The following URB1 variants were observed in gnomAD, a reference collection of about 807,000 sequenced individuals.
URB1 encodes the protein nucleolar pre-ribosomal-associated protein 1.
URB1 carries 197 observed loss-of-function variants against 242.3 expected under a neutral mutation model. The ratio of observed to expected loss-of-function variants is 0.81; its 90% CI spans 0.72 to 0.91. The LOEUF (loss-of-function observed/expected upper bound fraction) is 0.91, where lower values mean the gene tolerates loss of function less well. Among genes scored for constraint, URB1 ranks in the 40% least tolerant of loss-of-function variants. The probability of loss-of-function intolerance (pLI) is 0.00; values close to 1 mark genes in which losing one functional copy is unlikely to be tolerated. For missense variants in URB1, 2,721 were observed against 2,860.5 expected (o/e 0.95, Z 1.11); for synonymous variants, 1,153 against 1,201.8 (o/e 0.96, Z 0.84).
At chr21:32,338,516 C>T (rs935326747) in intron 26 of URB1, among the ~76,000 whole-genome samples, 191 bp downstream of exon 26, 1 of 152,174 alleles carries the variant, frequency 6.6e-6, no homozygotes, top group African/African-American at 2.4e-5. Context: ...TTTGTATTTG[C>T]TGTTTGACCA....
At position 32,316,447 on chromosome 21, in the gene URB1, A is replaced by G. The variant is rs929524155; in HGVS notation, c.6634+19T>C. The G allele has an allele frequency of 6.8e-7, 1 of 1,473,864 alleles. No individual in the cohort carries two copies. Among genetic ancestry groups the G allele is most frequent in the African/African-American group, 1.4e-5 (1 of 70,592 alleles). The allele number at this position is 1,473,864 out of a possible 1,614,324, so 91.3% of individuals were successfully genotyped here. On this transcript the variant is annotated intron_variant, in intron 38 of 38. Coordinates refer to ENST00000382751, the MANE Select transcript of URB1 (RefSeq NM_014825.3). ...TCTGCATCTATTTCTTCAGCCTCCAACAAAAGAACCAGCCTTACCTTGTGT... is the reference window on the plus strand; with the variant it reads ...TCTGCATCTATTTCTTCAGCCTCCAGCAAAAGAACCAGCCTTACCTTGTGT...
chr21:32,364,764 G>GT (rs2033326773), intron 10 of URB1, among the ~76,000 whole-genome samples: 1 of 150,630 alleles, frequency 6.6e-6, no homozygotes, highest in African/African-American at 2.4e-5. Context: ...TGCTTTAAAA[G>GT]TTTTTTAGAC....
At chr21:32,381,102 T>C (rs2146051759) in intron 4 of URB1, among the ~76,000 whole-genome samples, 1 of 152,354 alleles carries the variant, frequency 6.6e-6, no homozygotes, top group South Asian at 2.1e-4. Context: ...GCTCTGCCAC[T>C]GTCGTGGCCC....
At chr21:32,359,211 A>G (rs1397589866) in intron 14 of URB1, among the ~76,000 whole-genome samples, 1 of 152,216 alleles carries the variant, frequency 6.6e-6, no homozygotes, top group East Asian at 1.9e-4. Context: ...TTTGCTTGAT[A>G]ATGTTCCCTC....
chr21:32,340,826 A>T (rs1024921368), intron 25 of URB1, among the ~76,000 whole-genome samples: 5 of 152,186 alleles, frequency 3.3e-5, no homozygotes, highest in African/African-American at 1.2e-4. Context: ...TGTAAAGGGG[A>T]GAATAGGGAG....
At chr21:32,326,276 T>C (rs2032828395) in intron 30 of URB1, among the ~76,000 whole-genome samples, 1 of 152,190 alleles carries the variant, frequency 6.6e-6, no homozygotes, top group Non-Finnish European at 1.5e-5. Context: ...GTTCTCGAGA[T>C]AGAGTGACCA....
intron 26 of URB1, 137 bp downstream of exon 26, chr21:32,338,570 A>T (rs1341720420): frequency 1.0e-6 from 1 of 1,003,064 alleles, no homozygotes; most frequent in Non-Finnish European, 1.5e-6. Flanking sequence ...TGACAGAAAT[A>T]AAACATTCTG....
In URB1 at chr21:32,369,051, G is replaced by C. The variant is rs530044418; in HGVS notation, c.1002-453C>G. 2.0e-5 allele frequency among the ~76,000 whole-genome samples: 3 copies of C among 150,606 alleles called. No homozygotes were observed. The East Asian group carries it at 5.8e-4, about 29-fold the overall frequency. On this transcript the variant is annotated intron_variant, in intron 8 of 38. Coordinates refer to ENST00000382751, the MANE Select transcript of URB1 (RefSeq NM_014825.3). ...CCTCCTCCAGCCACACACAAAAAAAGCACTATGTAGGGCTGGCTGTGGTAC... is the reference window on the plus strand; with the variant it reads ...CCTCCTCCAGCCACACACAAAAAAACCACTATGTAGGGCTGGCTGTGGTAC...
intron 28 of URB1, chr21:32,335,125 C>T (rs1429819233): frequency 6.6e-6 from 1 of 152,664 alleles, no homozygotes; most frequent in Non-Finnish European, 1.5e-5. Context: ...TACTTTCACC[C>T]TCCACTGGCA....
chr21:32,390,225 C>G (rs1036696984), intron 1 of URB1, among the ~76,000 whole-genome samples: 1 of 152,188 alleles, frequency 6.6e-6, no homozygotes, highest in Non-Finnish European at 1.5e-5. Flanking sequence ...TGATGTAGCA[C>G]CTGAATGTCA....
chr21:32,357,459 CTG>C, intron 15 of URB1, 76 bp downstream of exon 15: 1 of 1,284,922 alleles, frequency 7.8e-7, no homozygotes, highest in Non-Finnish European at 9.9e-7. Flanking sequence ...AATTCAATAA[CTG>C]TTAACTAAAC....
Position 32,337,570 on chromosome 21 carries a change from CAGAAG to C in URB1, c.4511-61_4511-57del, listed in dbSNP as rs1019316376. ...ATGGTGGGGCAGACACACTGAATACCAGAAGAGGAGAGAGCCTTCCAGGCAACATT... is the reference window on the plus strand; with the variant it reads ...ATGGTGGGGCAGACACACTGAATACCAGGAGAGAGCCTTCCAGGCAACATT... On this transcript the variant is annotated intron_variant, in intron 26 of 38. Transcript: ENST00000382751. 1.1e-5 allele frequency: 16 copies of C among 1,445,820 alleles called. No homozygotes were observed. The Admixed American group carries it at 2.2e-4, about 20-fold the overall frequency. 89.6% of individuals were successfully genotyped at this position (1,445,820 alleles called of 1,614,324 possible). A position where few individuals can be genotyped will look rare whatever the true frequency, so the allele number is the denominator to read the frequency against.
Position 32,311,524 on chromosome 21 carries a change from A to T in URB1, c.*3394T>A. ...CCTCTGAGATTTCTCTAGAATGGCC[A>T]CCTTTGTGAGCTGGCTGACCCTTCT... On this transcript the variant is annotated 3_prime_UTR_variant, in exon 39 of 39. Transcript: ENST00000382751. 1 of 997,454 alleles carries T rather than the reference A, an allele frequency of 1.0e-6. No individual in the cohort carries two copies. The highest frequency in any genetic ancestry group is 1.4e-6 in the Non-Finnish European group (1 of 701,026). The allele number at this position is 997,454 out of a possible 1,614,324, so 61.8% of individuals were successfully genotyped here.
chr21:32,324,761 T>A (rs921416207), intron 31 of URB1, among the ~76,000 whole-genome samples, 159 bp from the exon 32 acceptor site: 3 of 152,188 alleles, frequency 2.0e-5, no homozygotes, highest in African/African-American at 7.2e-5. Flanking sequence ...ACACACTACT[T>A]GCCAGCATCT....
At chr21:32,325,469 C>T in intron 30 of URB1, 80 bp from the exon 31 acceptor site, 1 of 1,470,512 alleles carries the variant, frequency 6.8e-7, no homozygotes, top group Non-Finnish European at 9.1e-7. Flanking sequence ...TAAATTTCCT[C>T]TTGTGTCTTA....
At position 32,347,902 on chromosome 21, in the gene URB1, C is replaced by T. The variant is rs924025322; in HGVS notation, c.3013-91G>A. 6 of 1,439,720 alleles carry T rather than the reference C, an allele frequency of 4.2e-6. No homozygotes were observed. In the African/African-American group the frequency reaches 4.3e-5, roughly 10 times the overall value. The allele number at this position is 1,439,720 out of a possible 1,614,324, so 89.2% of individuals were successfully genotyped here. A position where few individuals can be genotyped will look rare whatever the true frequency, so the allele number is the denominator to read the frequency against. On this transcript the variant is annotated intron_variant, in intron 21 of 38. Transcript: ENST00000382751. ...CCACGCAAGTATTCACTGTTGTTAG[C>T]GAGACAGAGAGCAGAAGGCCCCTTT... is the stretch of plus-strand genomic sequence containing the variant.
At position 32,322,467 on chromosome 21, in the gene URB1, T is replaced by C; in HGVS notation, c.5340+11A>G. On this transcript the variant is annotated intron_variant, in intron 33 of 38. Coordinates refer to ENST00000382751, the MANE Select transcript of URB1 (RefSeq NM_014825.3). ...GGCCTGCAGAAAGCCGTGAGGACTCTGGAAGCATACCTCAAAGTCGGAGCT... is the reference window on the plus strand; with the variant it reads ...GGCCTGCAGAAAGCCGTGAGGACTCCGGAAGCATACCTCAAAGTCGGAGCT... 6.4e-7 allele frequency: 1 copy of C among 1,551,136 alleles called. No individual in the cohort carries two copies. Among genetic ancestry groups the C allele is most frequent in the Non-Finnish European group, 8.7e-7 (1 of 1,146,070 alleles).
intron 2 of URB1, among the ~76,000 whole-genome samples, chr21:32,385,043 T>C (rs1026617068): frequency 6.6e-6 from 1 of 151,070 alleles, no homozygotes; most frequent in African/African-American, 2.5e-5. Flanking sequence ...AAGAACAGCT[T>C]GTTTACAATC....
chr21:32,319,317 G>T lies in URB1; in HGVS notation c.5692C>A (p.Arg1898Ser), dbSNP rs112835686. 7.1e-6 allele frequency: 11 copies of T among 1,551,198 alleles called. No homozygotes were observed. Among genetic ancestry groups the T allele is most frequent in the Non-Finnish European group, 9.6e-6 (11 of 1,146,758 alleles). The change falls in exon 36 of 39, where the codon CGC becomes AGC. Residue 1898 changes from arginine to serine, a missense_variant. Transcript: ENST00000382751. ...TCCTGGGAGCTAGGCTGGCAAAGGC[G>T]CTGGCTCTCCCACTCCACTGCCTTG... ...GDKAVEWESQRLCQPSSQEPA... is the reference protein window; with the variant it reads ...GDKAVEWESQSLCQPSSQEPA...
Sources: gnomAD v4.1 joint callset for allele counts (sites outside exome capture counted in the v4.1 genomes callset) on GRCh38, gnomAD v4.1.1 for gene constraint, MANE v1.5 for transcripts, NCBI Gene and HGNC (gene_info 2026-07-23, HGNC 2026-07-21) for gene names.